The following FMN1 variants were observed in gnomAD, a reference collection of about 807,000 sequenced individuals.
The protein encoded by FMN1 is formin-1.
FMN1 carries 110 observed loss-of-function variants against 132.4 expected under a neutral mutation model. The observed-to-expected ratio is 0.83, with a 90% CI of 0.71 to 0.97. FMN1 has a LOEUF of 0.97. FMN1 is among the 50% of genes least tolerant of loss of function. The probability of loss-of-function intolerance (pLI) is 0.00; values close to 1 mark genes in which losing one functional copy is unlikely to be tolerated. For synonymous variants in FMN1, 722 were observed against 651.7 expected, an observed-to-expected ratio of 1.11 and a Z score of -1.64; for missense variants, 1,792 against 1,705.3, an observed-to-expected ratio of 1.05 and a Z score of -0.90.
At chr15:32,930,534 T>C (rs929491240) in intron 9 of FMN1, among the ~76,000 whole-genome samples, 2 of 152,142 alleles carry the variant, frequency 1.3e-5, no homozygotes, top group Admixed American at 6.5e-5. Flanking sequence ...TATTGGCCAT[T>C]TGTATACCTT....
chr15:33,109,401 C>T lies in FMN1; in HGVS notation c.1868-20427G>A, dbSNP rs570026318. ...AAAGAATTGCAAGCCAAATGAAATG[C>T]GAGCACTATTCACAATAGCAAAGAC... On this transcript the variant is annotated intron_variant, in intron 4 of 20. Transcript: ENST00000616417. Among the ~76,000 whole-genome samples the T allele has an allele frequency of 6.6e-5, 10 of 151,888 alleles. No homozygotes were observed. In the South Asian group the frequency reaches 1.0e-3, roughly 16 times the overall value.
intron 19 of FMN1, among the ~76,000 whole-genome samples, chr15:32,780,831 A>G (rs2056639127): frequency 6.6e-6 from 1 of 152,184 alleles, no homozygotes; most frequent in African/African-American, 2.4e-5. Context: ...GTAAGCTGCT[A>G]TTGTTACTTT....
chr15:33,125,761 A>C (rs1963001109), intron 4 of FMN1, among the ~76,000 whole-genome samples: 1 of 152,020 alleles, frequency 6.6e-6, no homozygotes, highest in African/African-American at 2.4e-5. Context: ...TGTATGGTGA[A>C]ATTTTGGTAA....
At chr15:32,956,500 G>A (rs200263592) in intron 9 of FMN1, among the ~76,000 whole-genome samples, 6 of 151,944 alleles carry the variant, frequency 3.9e-5, no homozygotes, top group East Asian at 3.9e-4. Context: ...CAGTAAATGC[G>A]GCCAGTCAGG....
chr15:33,132,741 TC>T (rs1963601807), intron 4 of FMN1, among the ~76,000 whole-genome samples: 1 of 152,070 alleles, frequency 6.6e-6, no homozygotes, highest in Non-Finnish European at 1.5e-5. Flanking sequence ...ACCTTTAATT[TC>T]CTTTTGTAAT....
intron 9 of FMN1, among the ~76,000 whole-genome samples, chr15:32,929,325 G>C (rs2061044666): frequency 6.6e-6 from 1 of 152,142 alleles, no homozygotes; most frequent in Admixed American, 6.5e-5. Flanking sequence ...AACTACAATG[G>C]TAGGGACACA....
At chr15:32,787,901 A>G (rs1027136829) in intron 19 of FMN1, among the ~76,000 whole-genome samples, 2 of 152,140 alleles carry the variant, frequency 1.3e-5, no homozygotes, top group Non-Finnish European at 2.9e-5. Context: ...ACTTTGTCCA[A>G]TTGTGTACTT....
At position 32,777,615 on chromosome 15, in the gene FMN1, T is replaced by TAC. The variant is rs1422144852; in HGVS notation, c.4131-697_4131-696insGT. Reference sequence around the variant, plus strand: ...AACACTTTATATATTACGTATAACATAACACATTTATATATTACGTATAAC... The same window carrying TAC: ...AACACTTTATATATTACGTATAACATACAACACATTTATATATTACGTATAAC... On this transcript the variant is annotated intron_variant, in intron 19 of 20. Transcript: ENST00000616417. Among the ~76,000 whole-genome samples the TAC allele has an allele frequency of 6.0e-4, 62 of 103,154 alleles. 1 individual carries two copies. The highest frequency in any genetic ancestry group is 2.5e-3 in the African/African-American group (60 of 24,006). 67.7% of individuals were successfully genotyped at this position (103,154 alleles called of 152,430 possible). A position where few individuals can be genotyped will look rare whatever the true frequency, so the allele number is the denominator to read the frequency against.
intron 11 of FMN1, among the ~76,000 whole-genome samples, chr15:32,910,269 T>C (rs1300796912): frequency 1.3e-5 from 2 of 152,182 alleles, no homozygotes; most frequent in Admixed American, 1.3e-4. Context: ...AAGTGTGCAA[T>C]GAGATCTGCT....
At chr15:32,938,559 A>G (rs2061331914) in intron 9 of FMN1, among the ~76,000 whole-genome samples, 1 of 152,180 alleles carries the variant, frequency 6.6e-6, no homozygotes, top group South Asian at 2.1e-4. Context: ...GTCAATTGTT[A>G]AGAATGCTAC....
At chr15:32,995,564 T>C (rs879577271) in intron 7 of FMN1, among the ~76,000 whole-genome samples, 6 of 152,164 alleles carry the variant, frequency 3.9e-5, no homozygotes, top group East Asian at 1.9e-4. Context: ...CATATAGCAA[T>C]ATGCAACAAA....
At chr15:33,001,759 G>C (rs1379821522) in intron 7 of FMN1, among the ~76,000 whole-genome samples, 1 of 121,434 alleles carries the variant, frequency 8.2e-6, no homozygotes, top group Admixed American at 1.1e-4. Context: ...TCACTCCCTC[G>C]CTCAGGCTGG....
At chr15:32,976,737 A>G (rs2032237113) in intron 7 of FMN1, among the ~76,000 whole-genome samples, 1 of 152,204 alleles carries the variant, frequency 6.6e-6, no homozygotes, top group Admixed American at 6.5e-5. Context: ...AAGAAGGGGT[A>G]AAGAGTAATT....
chr15:33,069,802 T>G (rs950552127), intron 5 of FMN1, among the ~76,000 whole-genome samples: 3 of 152,158 alleles, frequency 2.0e-5, no homozygotes, highest in South Asian at 4.1e-4. Flanking sequence ...ATAGTATTTT[T>G]GGGAATTATT....
intron 7 of FMN1, among the ~76,000 whole-genome samples, chr15:32,999,783 C>T (rs1216276269): frequency 6.6e-6 from 1 of 152,238 alleles, no homozygotes; most frequent in Non-Finnish European, 1.5e-5. Flanking sequence ...CCTCTACTTT[C>T]AAACTGCTTA....
At position 32,968,713 on chromosome 15, in the gene FMN1, C is replaced by T; in HGVS notation, c.2987+1G>A. On this transcript the variant is annotated splice_donor_variant, in intron 8 of 20. Coordinates refer to ENST00000616417, the MANE Select transcript of FMN1 (RefSeq NM_001277313.2). LOFTEE classifies it high-confidence loss of function. ...TGAGAATGGGATAGGGGAGAACTTA[C>T]CTCCTATCACTTATTTGTATCCTAG... 6.2e-7 allele frequency: 1 copy of T among 1,613,320 alleles called. No individual in the cohort carries two copies. Among genetic ancestry groups the T allele is most frequent in the Non-Finnish European group, 8.5e-7 (1 of 1,179,514 alleles).
intron 9 of FMN1, among the ~76,000 whole-genome samples, chr15:32,939,619 T>C (rs1232516759): frequency 2.0e-5 from 3 of 152,188 alleles, no homozygotes; most frequent in African/African-American, 7.2e-5. Context: ...ATTAGTAAGC[T>C]AACTTTTAGA....
At chr15:32,843,608 T>C (rs2058793483) in intron 17 of FMN1, among the ~76,000 whole-genome samples, 1 of 152,248 alleles carries the variant, frequency 6.6e-6, no homozygotes, top group Non-Finnish European at 1.5e-5. Flanking sequence ...CTAGAATTAC[T>C]ATATTACAAT....
intron 4 of FMN1, among the ~76,000 whole-genome samples, chr15:33,141,360 G>T (rs2444966): frequency 0.37 from 56,810 of 151,792 alleles, 11,052 homozygotes; most frequent in East Asian, 0.66. Context: ...TTTCCCCATA[G>T]GGATAACTAA....
Sources: gnomAD v4.1 joint callset for allele counts (sites outside exome capture counted in the v4.1 genomes callset) on GRCh38, gnomAD v4.1.1 for gene constraint, MANE v1.5 for transcripts, NCBI Gene and HGNC (gene_info 2026-07-23, HGNC 2026-07-21) for gene names.